KIF26B: variants seen among roughly 807,000 people sequenced by gnomAD.
KIF26B encodes the protein kinesin-like protein KIF26B.
In KIF26B, 63 loss-of-function variants were observed where a neutral mutation model predicts 151.2. The ratio of observed to expected loss-of-function variants is 0.42; its 90% CI spans 0.34 to 0.51. KIF26B has a LOEUF of 0.51. Among genes scored for constraint, KIF26B ranks in the 20% least tolerant of loss-of-function variants. KIF26B has a pLI of 0.07. For missense variants in KIF26B, 2,813 were observed against 2,913.6 expected (o/e 0.97, Z 0.79); for synonymous variants, 1,357 against 1,262.1 (o/e 1.08, Z -1.59).
intron 3 of KIF26B, among the ~76,000 whole-genome samples, chr1:245,383,242 A>C (rs1460175744): frequency 6.6e-6 from 1 of 152,120 alleles, no homozygotes; most frequent in Non-Finnish European, 1.5e-5. Context: ...GAATTTAGAA[A>C]ACCGAGGCAT....
rs2043399021 is a variant in KIF26B, at chr1:245,601,803, C to G, written c.1351-774C>G. On this transcript the variant is annotated intron_variant, in intron 5 of 14. Coordinates refer to ENST00000407071, the MANE Select transcript of KIF26B (RefSeq NM_018012.4). This position sits in a 1 kb window ranked among gnomAD's most constrained non-coding sequence, Gnocchi z 4.4. ...AGGCCTCAGCCTGATTTCTGTTCAC[C>G]TTAGAACCCCAAGGCTGACTGTGCA... is the stretch of plus-strand genomic sequence containing the variant. 6.6e-6 allele frequency among the ~76,000 whole-genome samples: 1 copy of G among 152,214 alleles called. No homozygotes were observed. Among genetic ancestry groups the G allele is most frequent in the Non-Finnish European group, 1.5e-5 (1 of 68,048 alleles).
intron 3 of KIF26B, among the ~76,000 whole-genome samples, chr1:245,416,268 G>A (rs1323058477): frequency 5.6e-5 from 6 of 108,016 alleles, no homozygotes; most frequent in Non-Finnish European, 1.1e-4. Flanking sequence ...CAACAAGAGC[G>A]AAACTCTGTC....
intron 3 of KIF26B, among the ~76,000 whole-genome samples, chr1:245,416,047 A>G (rs1415497191): frequency 6.7e-6 from 1 of 149,816 alleles, no homozygotes; most frequent in African/African-American, 2.5e-5. Flanking sequence ...TGGGCGGATC[A>G]CCTGAGGTCG....
rs373209274 is a variant in KIF26B, at chr1:245,658,199, T to G, written c.2258+11919T>G. 2.1e-4 allele frequency among the ~76,000 whole-genome samples: 32 copies of G among 152,358 alleles called. No homozygotes were observed. In the South Asian group the frequency reaches 6.2e-3, roughly 30 times the overall value. On this transcript the variant is annotated intron_variant, in intron 10 of 14. Coordinates refer to ENST00000407071, the MANE Select transcript of KIF26B (RefSeq NM_018012.4). ...ATTTCATTTTTGAGATCCATCTTGA[T>G]GCGCACAGCTACAGGTTCTTAATCT...
Position 245,540,637 on chromosome 1 carries a change from C to G in KIF26B, c.1167-130C>G, listed in dbSNP as rs1402643280. 2 of 842,758 alleles carry G rather than the reference C, an allele frequency of 2.4e-6. No individual in the cohort carries two copies. Among genetic ancestry groups the G allele is most frequent in the Non-Finnish European group, 4.2e-6 (2 of 478,170 alleles). The allele number at this position is 842,758 out of a possible 1,614,324, so 52.2% of individuals were successfully genotyped here. On this transcript the variant is annotated intron_variant, in intron 4 of 14. Transcript: ENST00000407071. This position sits in a 1 kb window ranked among gnomAD's most constrained non-coding sequence, Gnocchi z 4.6. ...TAGTAAGGGACTGCTACAGAGGACA[C>G]TGAGCAGGAGGAGAGAAGGAATGAT...
intron 5 of KIF26B, among the ~76,000 whole-genome samples, chr1:245,569,222 T>C (rs985140364): frequency 6.6e-6 from 1 of 152,104 alleles, no homozygotes; most frequent in Non-Finnish European, 1.5e-5. Context: ...TTTACTCCAT[T>C]GTACATTGAC....
intron 5 of KIF26B, among the ~76,000 whole-genome samples, chr1:245,577,877 G>A (rs964837593): frequency 1.3e-5 from 2 of 151,106 alleles, no homozygotes; most frequent in Non-Finnish European, 1.5e-5. Context: ...TCCCCTCACC[G>A]GAAGAGCTTT....
intron 10 of KIF26B, among the ~76,000 whole-genome samples, chr1:245,656,890 T>A (rs886777740): frequency 6.6e-6 from 1 of 152,222 alleles, no homozygotes; most frequent in Non-Finnish European, 1.5e-5. Context: ...TTTTGAATAG[T>A]TACATTTGTG....
chr1:245,171,438 G>A (rs757933531), intron 2 of KIF26B, among the ~76,000 whole-genome samples: 8 of 152,068 alleles, frequency 5.3e-5, no homozygotes, highest in East Asian at 1.9e-4. Flanking sequence ...CAGCTACTCC[G>A]GAAGCTAAGG....
chr1:245,537,165 A>AGG (rs1367883275), intron 4 of KIF26B, among the ~76,000 whole-genome samples: 1 of 152,188 alleles, frequency 6.6e-6, no homozygotes, highest in Non-Finnish European at 1.5e-5. Flanking sequence ...GAAGATTTAA[A>AGG]GGAGATGAGG....
chr1:245,465,116 C>T (rs1045117414), intron 4 of KIF26B, among the ~76,000 whole-genome samples: 14 of 120,852 alleles, frequency 1.2e-4, no homozygotes, highest in Non-Finnish European at 1.7e-4. Context: ...GCAGCTGGGA[C>T]TACAGGCGCC....
rs1166578525 is a variant in KIF26B, at chr1:245,219,127, C to CTTTTTTTTTTT, written c.465+62463_465+62473dup. Among the ~76,000 whole-genome samples, 61 of 56,188 alleles carry CTTTTTTTTTTT rather than the reference C, an allele frequency of 1.1e-3. 10 individuals are homozygous for CTTTTTTTTTTT. Among genetic ancestry groups the CTTTTTTTTTTT allele is most frequent in the African/African-American group, 3.9e-3 (59 of 15,300 alleles). 36.9% of individuals were successfully genotyped at this position (56,188 alleles called of 152,430 possible). On this transcript the variant is annotated intron_variant, in intron 2 of 14. Coordinates refer to ENST00000407071, the MANE Select transcript of KIF26B (RefSeq NM_018012.4). The stretch of plus-strand genomic sequence containing the variant: ...CACAGGAGGTAGCAAATACCTACCT[C>CTTTTTTTTTTT]TTTTTTTTTTTTTTTTTTTTTTTTT...
intron 3 of KIF26B, among the ~76,000 whole-genome samples, chr1:245,401,335 T>G (rs960455984): frequency 6.6e-6 from 1 of 152,178 alleles, no homozygotes; most frequent in African/African-American, 2.4e-5. Context: ...GTGTTCACAG[T>G]TTCCTTCCAA....
At chr1:245,206,320 C>T (rs996638555) in intron 2 of KIF26B, 7 of 152,304 alleles carry the variant, frequency 4.6e-5, no homozygotes, top group African/African-American at 1.7e-4. Context: ...CAGAGTGGTC[C>T]CCACTTCTTC....
chr1:245,319,306 C>T (rs1251827492), intron 2 of KIF26B, among the ~76,000 whole-genome samples: 1 of 152,190 alleles, frequency 6.6e-6, no homozygotes, highest in African/African-American at 2.4e-5. Flanking sequence ...TAAATAACAG[C>T]CTGCGGAAGA....
rs1558270305 is a variant in KIF26B at position 245,686,039 on chromosome 1, C to CCA, written c.3056_3057insCA (p.Ala1020ArgfsTer113). On this transcript the variant is annotated frameshift_variant, in exon 12 of 15. Transcript: ENST00000407071. LOFTEE classifies it high-confidence loss of function. This position sits in a 1 kb window ranked among gnomAD's most constrained non-coding sequence, Gnocchi z 5.6. Reference sequence around the variant, plus strand: ...GCGGCACCCGCCCACAGCCCCAGCCCGGCCTCACCCAGGAGCGTCCCGGGC... The same window carrying CCA: ...GCGGCACCCGCCCACAGCCCCAGCCCCAGGCCTCACCCAGGAGCGTCCCGGGC... 1.6e-5 allele frequency: 25 copies of CCA among 1,594,818 alleles called. No homozygotes were observed. Among genetic ancestry groups the CCA allele is most frequent in the Non-Finnish European group, 2.0e-5 (24 of 1,171,452 alleles).
At chr1:245,467,910 G>A (rs778695474) in intron 4 of KIF26B, among the ~76,000 whole-genome samples, 1 of 151,812 alleles carries the variant, frequency 6.6e-6, no homozygotes, top group Admixed American at 6.6e-5. Context: ...GGGTTGGGGG[G>A]TTGGCAGTGG....
At chr1:245,534,845 C>T (rs543411762) in intron 4 of KIF26B, among the ~76,000 whole-genome samples, 2 of 150,638 alleles carry the variant, frequency 1.3e-5, no homozygotes, top group Admixed American at 6.6e-5. Flanking sequence ...TGCAGCAGCA[C>T]GATCTCGGCT....
chr1:245,374,079 A>T (rs1673196462), intron 3 of KIF26B, among the ~76,000 whole-genome samples: 3 of 32,606 alleles, frequency 9.2e-5, no homozygotes, highest in Non-Finnish European at 1.6e-4. Context: ...AAAAAAAAAA[A>T]AAAAAAAAAA....
Sources: gnomAD v4.1 joint callset for allele counts (sites outside exome capture counted in the v4.1 genomes callset) on GRCh38, gnomAD v4.1.1 for gene constraint, Gnocchi (gnomAD v3.1) non-coding constraint, MANE v1.5 for transcripts, NCBI Gene and HGNC (gene_info 2026-07-23, HGNC 2026-07-21) for gene names.